The following MSL2 variants were observed in gnomAD, a reference collection of about 807,000 sequenced individuals.
MSL2 encodes MSL complex subunit 2.
MSL2 carries 2 observed loss-of-function variants against 35.8 expected under a neutral mutation model. That is an observed-to-expected ratio of 0.06 (90% CI 0.02 to 0.18). MSL2 has a LOEUF of 0.18. Among genes scored for constraint, MSL2 ranks in the 10% least tolerant of loss-of-function variants. The pLI, the probability that MSL2 is intolerant of heterozygous loss-of-function variation, is 1.00. For synonymous variants in MSL2, 296 were observed against 255.7 expected (o/e 1.16, Z -1.50); for missense variants, 523 against 706.7 (o/e 0.74, Z 2.95).
At chr3:136,154,640 A>G (rs988554935) in intron 1 of MSL2, among the ~76,000 whole-genome samples, 1 of 152,252 alleles carries the variant, frequency 6.6e-6, no homozygotes, top group African/African-American at 2.4e-5. Flanking sequence ...TTATAAGCCA[A>G]AAACATCATA....
chr3:136,169,354 G>A (rs1436432470), intron 1 of MSL2, among the ~76,000 whole-genome samples: 14 of 150,832 alleles, frequency 9.3e-5, no homozygotes, highest in African/African-American at 2.9e-4. Flanking sequence ...ATCAAATGAG[G>A]CTAACTGGAA....
At position 136,195,432 on chromosome 3, in the gene MSL2, G is replaced by A. The variant is rs1341707172; in HGVS notation, c.-319C>T. 8 of 1,055,710 alleles carry A rather than the reference G, an allele frequency of 7.6e-6. No homozygotes were observed. The highest frequency in any genetic ancestry group is 9.1e-6 in the Non-Finnish European group (8 of 874,746). The allele number at this position is 1,055,710 out of a possible 1,614,324, so 65.4% of individuals were successfully genotyped here. ...CGCTCGGGGCGGGACTCGGAGCTCA[G>A]TCTAGCCCCGCGGCTCGGCAGGCGG... On this transcript the variant is annotated 5_prime_UTR_variant, in exon 1 of 2. Transcript: ENST00000309993.
chr3:136,196,068 C>A lies in MSL2; in HGVS notation c.-955G>T. ...TCCCCGGCCGCGGAAGGCAAGCGCT[C>A]ACACCGCCAGGCCCCGCCGCCGCCC... On this transcript the variant is annotated 5_prime_UTR_variant, in exon 1 of 2. Transcript: ENST00000309993. The A allele has an allele frequency of 6.4e-6, 1 of 156,838 alleles. No individual in the cohort carries two copies. Among genetic ancestry groups the A allele is most frequent in the South Asian group, 1.8e-4 (1 of 5,570 alleles). The allele number at this position is 156,838 out of a possible 1,614,324, so 9.7% of individuals were successfully genotyped here. A position where few individuals can be genotyped will look rare whatever the true frequency, so the allele number is the denominator to read the frequency against.
At chr3:136,159,721 A>G (rs931206557) in intron 1 of MSL2, among the ~76,000 whole-genome samples, 1 of 152,096 alleles carries the variant, frequency 6.6e-6, no homozygotes, top group Non-Finnish European at 1.5e-5. Context: ...TCCAAATGCC[A>G]AAAGGAAAAA....
chr3:136,166,963 T>G (rs868555145), intron 1 of MSL2, among the ~76,000 whole-genome samples: 4 of 152,188 alleles, frequency 2.6e-5, no homozygotes, highest in African/African-American at 4.8e-5. Flanking sequence ...TGAAGCAAGA[T>G]TTTTTAATTC....
chr3:136,188,443 A>G (rs1356057627), intron 1 of MSL2, among the ~76,000 whole-genome samples: 5 of 151,856 alleles, frequency 3.3e-5, no homozygotes, highest in African/African-American at 9.7e-5. Context: ...GAAGAAGAAA[A>G]AAAAAAAAAA....
At chr3:136,194,004 A>AT (rs1268353306) in intron 1 of MSL2, among the ~76,000 whole-genome samples, 2 of 152,152 alleles carry the variant, frequency 1.3e-5, no homozygotes, top group African/African-American at 2.4e-5. Context: ...TTCTTCCTTT[A>AT]TCTACTTTTA....
Position 136,173,389 on chromosome 3 carries a change from T to C in MSL2, c.143-20651A>G, listed in dbSNP as rs188848585. On this transcript the variant is annotated intron_variant, in intron 1 of 1. Coordinates refer to ENST00000309993, the MANE Select transcript of MSL2 (RefSeq NM_018133.4). ...AATTCAAGCTTAACATGAGCAAATA[T>C]AAATTTTATCTCCCATAAATCCCCA... Among the ~76,000 whole-genome samples, 416 of 152,260 alleles carry C rather than the reference T, an allele frequency of 2.7e-3. 1 individual carries two copies. Among genetic ancestry groups the C allele is most frequent in the Non-Finnish European group, 2.9e-3 (195 of 68,028 alleles).
intron 1 of MSL2, among the ~76,000 whole-genome samples, chr3:136,183,218 C>T (rs1940418150): frequency 6.6e-6 from 1 of 151,974 alleles, no homozygotes; most frequent in African/African-American, 2.4e-5. Context: ...GCAACAAACC[C>T]AGAAAATGAA....
rs770174801 is a variant in MSL2 at position 136,152,325 on chromosome 3, T to A, written c.556A>T (p.Ile186Phe). Residue 186 changes from isoleucine to phenylalanine, a missense_variant, in exon 2 of 2, where the codon ATT becomes TTT. Transcript: ENST00000309993. Reference protein sequence around the residue: ...PMSESTLSIAIGSSVINGLPT... With the variant: ...PMSESTLSIAFGSSVINGLPT... ...AAACCATTGATAACAGAACTGCCAA[T>A]AGCAATGCTGAGGGTGCTTTCAGAC... 3.1e-6 allele frequency: 5 copies of A among 1,614,170 alleles called. No homozygotes were observed. Among genetic ancestry groups the A allele is most frequent in the South Asian group, 1.1e-5 (1 of 91,082 alleles).
chr3:136,173,077 C>T (rs1181034367), intron 1 of MSL2, among the ~76,000 whole-genome samples: 1 of 152,124 alleles, frequency 6.6e-6, no homozygotes, highest in Non-Finnish European at 1.5e-5. Flanking sequence ...GCACAAAAAT[C>T]GCTTGAACCC....
chr3:136,191,328 G>T (rs1391813490), intron 1 of MSL2, among the ~76,000 whole-genome samples: 36 of 152,148 alleles, frequency 2.4e-4, no homozygotes, highest in Non-Finnish European at 1.3e-4. Context: ...TTAGCTGGGT[G>T]TGGTGGCGTG....
chr3:136,168,408 A>AGC (rs1301662053), intron 1 of MSL2, among the ~76,000 whole-genome samples: 1 of 152,232 alleles, frequency 6.6e-6, no homozygotes, highest in African/African-American at 2.4e-5. Flanking sequence ...TGGCACACAT[A>AGC]AACCATGGAA....
intron 1 of MSL2, among the ~76,000 whole-genome samples, chr3:136,192,472 T>C (rs796402591): frequency 2.0e-5 from 3 of 152,054 alleles, no homozygotes; most frequent in Non-Finnish European, 4.4e-5. Flanking sequence ...TGGCCAGAAG[T>C]AACTTTTTGC....
chr3:136,151,240 A>G lies in MSL2; in HGVS notation c.1641T>C (p.Asn547=). ...RNASTSTSVI[N]VTGSPVTTFL... ...ACGTCGTTACTGGGGACCCTGTGAC[A>G]TTTATTACACTGGTGCTGGTACTAG... is the stretch of plus-strand genomic sequence containing the variant. The change falls in exon 2 of 2, where the codon AAT becomes AAC. Residue 547 remains asparagine, a synonymous_variant. Coordinates refer to ENST00000309993, the MANE Select transcript of MSL2 (RefSeq NM_018133.4). This position sits in a 1 kb window ranked among gnomAD's most constrained non-coding sequence, Gnocchi z 5.2. 6.2e-7 allele frequency: 1 copy of G among 1,614,218 alleles called. No homozygotes were observed.
intron 1 of MSL2, among the ~76,000 whole-genome samples, chr3:136,186,820 T>C (rs1418344522): frequency 6.6e-6 from 1 of 152,188 alleles, no homozygotes; most frequent in Non-Finnish European, 1.5e-5. Flanking sequence ...TGAATCATCC[T>C]GAAACCATCC....
chr3:136,189,108 C>CAAAAAAAAAAAAAAAAAAAAAA (rs372715974), intron 1 of MSL2, among the ~76,000 whole-genome samples: 1 of 38,606 alleles, frequency 2.6e-5, no homozygotes, highest in African/African-American at 1.0e-4. Flanking sequence ...CCTGTCTCTA[C>CAAAAAAAAAAAAAAAAAAAAAA]AAAAAAAAAA....
chr3:136,169,825 G>T (rs775363760), intron 1 of MSL2, among the ~76,000 whole-genome samples: 4 of 151,990 alleles, frequency 2.6e-5, no homozygotes, highest in Non-Finnish European at 5.9e-5. Context: ...GGGAGGCCAA[G>T]GTGGATTGAT....
intron 1 of MSL2, among the ~76,000 whole-genome samples, chr3:136,181,334 G>C (rs1438402432): frequency 6.6e-6 from 1 of 152,046 alleles, no homozygotes; most frequent in Non-Finnish European, 1.5e-5. Flanking sequence ...ACATGACTAA[G>C]ATTAAAACAA....
Sources: gnomAD v4.1 joint callset for allele counts (sites outside exome capture counted in the v4.1 genomes callset) on GRCh38, gnomAD v4.1.1 for gene constraint, Gnocchi (gnomAD v3.1) non-coding constraint, MANE v1.5 for transcripts, NCBI Gene and HGNC (gene_info 2026-07-23, HGNC 2026-07-21) for gene names.